CARMIL2: variants seen among roughly 807,000 people sequenced by gnomAD.
CARMIL2 encodes the protein capping protein, Arp2/3 and myosin-I linker protein 2.
In CARMIL2, 96 loss-of-function variants were observed where a neutral mutation model predicts 173.3. The observed-to-expected ratio is 0.55, with a 90% CI of 0.47 to 0.66. The LOEUF is 0.66. Ranked by LOEUF, CARMIL2 falls within the 30% of genes least tolerant of loss-of-function variation. The pLI is 0.00. For synonymous variants in CARMIL2, 830 were observed against 817.1 expected (o/e 1.02, Z -0.27); for missense variants, 1,771 against 1,906.7 (o/e 0.93, Z 1.33).
chr16:67,654,080 C>CG (rs548114769), intron 29 of CARMIL2, 69 bp from the exon 30 acceptor site: 8,078 of 558,638 alleles, frequency 0.014, 5 homozygotes, highest in African/African-American at 0.02. Flanking sequence ...GGCTGCCGGC[C>CG]GGGGGGGGGG....
rs1458849898 is a variant in CARMIL2, at chr16:67,651,785, C to T, written c.2528C>T (p.Ser843Leu). ...CAGCTAGAGGGGGTCCTGGCAGGCT[C>T]GAGGGGCCTCCCGGAGCTGCTCCCA... ...REQLEGVLAG[S>L]RGLPELLPEQ... Residue 843 changes from serine (S) to leucine (L), a missense_variant, in exon 25 of 38, where the codon TCG (serine) becomes TTG (leucine). Transcript: ENST00000334583. The surrounding 1 kb of genome is among the most constrained non-coding windows in gnomAD (Gnocchi z 4.2). 3.1e-6 allele frequency: 5 copies of T among 1,608,072 alleles called. No homozygotes were observed. The highest frequency in any genetic ancestry group is 2.7e-5 in the African/African-American group (2 of 74,836).
At position 67,648,999 on chromosome 16, in the gene CARMIL2, T is replaced by A; in HGVS notation, c.1591+25T>A. ...GGTGAGGCTGCAGGAGAGCCCATCCTCGCATCATCCACTCGATTCCCAATC... is the reference window on the plus strand; with the variant it reads ...GGTGAGGCTGCAGGAGAGCCCATCCACGCATCATCCACTCGATTCCCAATC... On this transcript the variant is annotated intron_variant, in intron 17 of 37. Transcript: ENST00000334583. This position sits in a 1 kb window ranked among gnomAD's most constrained non-coding sequence, Gnocchi z 6.1. The A allele has an allele frequency of 1.2e-6, 2 of 1,604,058 alleles. No homozygotes were observed. The highest frequency in any genetic ancestry group is 8.5e-7 in the Non-Finnish European group (1 of 1,175,808).
Position 67,657,438 on chromosome 16 carries a change from C to T in CARMIL2, c.4228C>T (p.Gln1410Ter), listed in dbSNP as rs748955499. The change falls in exon 38 of 38, where the codon CAG becomes TAG. Residue 1410 changes from glutamine (Q) to a stop codon, truncating the protein, a stop_gained. Transcript: ENST00000334583. LOFTEE classifies it high-confidence loss of function. This position sits in a 1 kb window ranked among gnomAD's most constrained non-coding sequence, Gnocchi z 4.5. ...CCTTGGAACCGAGCCTCTGCCCCCA[C>T]AGCCCACAGAGCCCTCCAGCCCTGA... ...SGLGTEPLPP[Q>*]PTEPSSPERS... 5 of 1,610,150 alleles carry T rather than the reference C, an allele frequency of 3.1e-6. No homozygotes were observed. Among genetic ancestry groups the T allele is most frequent in the East Asian group, 2.2e-5 (1 of 44,702 alleles).
In CARMIL2 at chr16:67,646,466, C is replaced by G. The variant is rs778815940; in HGVS notation, c.415C>G (p.Arg139Gly). The G allele has an allele frequency of 1.9e-6, 3 of 1,613,600 alleles. No individual in the cohort carries two copies. The highest frequency in any genetic ancestry group is 2.5e-6 in the Non-Finnish European group (3 of 1,179,864). Residue 139 changes from arginine (R) to glycine (G), a missense_variant, in exon 6 of 38, where the codon CGG becomes GGG. Arg to Gly is a moderately radical substitution (Grantham distance 125). Coordinates refer to ENST00000334583, the MANE Select transcript of CARMIL2 (RefSeq NM_001013838.3). The surrounding 1 kb of genome is among the most constrained non-coding windows in gnomAD (Gnocchi z 4.6). ...RRPTPASMLA[R>G]LERSSPSEST... ...GCCCACACCAGCCTCCATGCTGGCT[C>G]GGCTGGAGAGAAGCAGCCCCTCGGA... is the stretch of plus-strand genomic sequence containing the variant.
Position 67,648,400 on chromosome 16 carries a change from A to C in CARMIL2, c.1337A>C (p.Lys446Thr). 2 of 1,530,868 alleles carry C rather than the reference A, an allele frequency of 1.3e-6. No homozygotes were observed. The allele number at this position is 1,530,868 out of a possible 1,614,324, so 94.8% of individuals were successfully genotyped here. The change falls in exon 15 of 38, where the codon AAG becomes ACG. Residue 446 changes from lysine to threonine, a missense_variant and splice_region_variant. Coordinates refer to ENST00000334583, the MANE Select transcript of CARMIL2 (RefSeq NM_001013838.3). The surrounding 1 kb of genome is among the most constrained non-coding windows in gnomAD (Gnocchi z 6.1). ...DASRNVFSRT[K>T]SRAAPAALQL... is the part of the protein sequence containing the mutation. The stretch of plus-strand genomic sequence containing the variant: ...GCCCACCTTCCCACTTCCCCCAGGA[A>C]GTCCCGCGCCGCGCCGGCCGCGCTG...
rs564619550 is a variant in CARMIL2, at chr16:67,654,802, A to G, written c.3607A>G (p.Thr1203Ala). Residue 1203 changes from threonine to alanine, a missense_variant, in exon 32 of 38, where the codon ACA becomes GCA. Thr to Ala is a moderately conservative substitution (Grantham distance 58, BLOSUM62 0). Around this residue, in one of 3 missense-constraint regions of CARMIL2, gnomAD observed 817 missense variants for 903.5 expected, o/e 0.90. Transcript: ENST00000334583. ...DKRRPLERGE[T>A]ELAPSFEQRV... ...GCGGCGGCCCCTGGAGCGGGGAGAA[A>G]CAGAACTGGCTCCATCCTTTGAACA... 3 of 1,613,522 alleles carry G rather than the reference A, an allele frequency of 1.9e-6. No homozygotes were observed. The highest frequency in any genetic ancestry group is 2.2e-5 in the East Asian group (1 of 44,888).
In CARMIL2 at chr16:67,649,794, G is replaced by C. The variant is rs1388547412; in HGVS notation, c.1920-12G>C. 6.2e-7 allele frequency: 1 copy of C among 1,607,368 alleles called. No homozygotes were observed. Among genetic ancestry groups the C allele is most frequent in the African/African-American group, 1.3e-5 (1 of 74,824 alleles). ...GAAGCTCCGTCCCCGACTGAAGCCA[G>C]GCCCGGCCCAGGTCTGTGGTCTGGG... is the stretch of plus-strand genomic sequence containing the variant. On this transcript the variant is annotated splice_polypyrimidine_tract_variant and intron_variant, in intron 20 of 37. Transcript: ENST00000334583. This position sits in a 1 kb window ranked among gnomAD's most constrained non-coding sequence, Gnocchi z 6.7.
Position 67,649,565 on chromosome 16 carries a change from G to A in CARMIL2, c.1865G>A (p.Gly622Glu). The A allele has an allele frequency of 6.2e-7, 1 of 1,602,420 alleles. No individual in the cohort carries two copies. Among genetic ancestry groups the A allele is most frequent in the Non-Finnish European group, 8.5e-7 (1 of 1,179,628 alleles). The change falls in exon 20 of 38, where the codon GGG becomes GAG. Residue 622 changes from glycine to glutamate, a missense_variant. Gly to Glu is a moderately conservative substitution (Grantham distance 98, BLOSUM62 -2). Around this residue, in one of 3 missense-constraint regions of CARMIL2, gnomAD observed 944 missense variants for 975.6 expected, o/e 0.97. Coordinates refer to ENST00000334583, the MANE Select transcript of CARMIL2 (RefSeq NM_001013838.3). The surrounding 1 kb of genome is among the most constrained non-coding windows in gnomAD (Gnocchi z 6.7). ...CTGGATATCAGCGGCAACGCCATGG[G>A]GGACGCGGGCGCCAAGTTGCTGGCC... is the stretch of plus-strand genomic sequence containing the variant. Reference protein sequence around the residue: ...TALDISGNAMGDAGAKLLAKA... With the variant: ...TALDISGNAMEDAGAKLLAKA...
chr16:67,649,022 A>G lies in CARMIL2; in HGVS notation c.1591+48A>G, dbSNP rs537471708. ...CCTCGCATCATCCACTCGATTCCCA[A>G]TCCCCACCCTACCCTTGCAACTTCG... On this transcript the variant is annotated intron_variant, in intron 17 of 37. Transcript: ENST00000334583. The surrounding 1 kb of genome is among the most constrained non-coding windows in gnomAD (Gnocchi z 6.7). 1.5e-5 allele frequency: 24 copies of G among 1,602,558 alleles called. No individual in the cohort carries two copies. In the East Asian group the frequency reaches 4.7e-4, roughly 32 times the overall value.
rs1567632829 is a variant in CARMIL2 at position 67,651,790 on chromosome 16, GGCCTCCCGGAGCT to G, written c.2536_2548del (p.Leu846SerfsTer36). 1 of 1,609,754 alleles carries G rather than the reference GGCCTCCCGGAGCT, an allele frequency of 6.2e-7. No individual in the cohort carries two copies. The highest frequency in any genetic ancestry group is 1.7e-4 in the Middle Eastern group (1 of 6,004). ...AGAGGGGGTCCTGGCAGGCTCGAGG[GGCCTCCCGGAGCT>G]GCTCCCAGAGCAGCTGCTGCAAGAT... On this transcript the variant is annotated frameshift_variant, in exon 25 of 38. Transcript: ENST00000334583. LOFTEE classifies it high-confidence loss of function. This position sits in a 1 kb window ranked among gnomAD's most constrained non-coding sequence, Gnocchi z 4.2.
In CARMIL2 at chr16:67,647,378, G is replaced by A. The variant is rs1597745086; in HGVS notation, c.767G>A (p.Ser256Asn). Reference protein sequence around the residue: ...HLEELVLETCSLRGDFVRRLA... With the variant: ...HLEELVLETCNLRGDFVRRLA... The stretch of plus-strand genomic sequence containing the variant: ...GAGGAGCTGGTGCTGGAGACCTGCA[G>A]CCTGAGGGGGTGAGGGGGACAGGGC... The change falls in exon 10 of 38, where the codon AGC becomes AAC. Residue 256 changes from serine to asparagine, a missense_variant. Physicochemically the swap from Ser to Asn is conservative, Grantham distance 46. This residue lies in a region of CARMIL2 where 944 missense variants were observed against 975.6 expected (regional missense o/e 0.97). Coordinates refer to ENST00000334583, the MANE Select transcript of CARMIL2 (RefSeq NM_001013838.3). 1.3e-6 allele frequency: 2 copies of A among 1,577,344 alleles called. No homozygotes were observed. Among genetic ancestry groups the A allele is most frequent in the African/African-American group, 1.3e-5 (1 of 74,298 alleles).
rs1435701239 is a variant in CARMIL2 at position 67,648,523 on chromosome 16, A to G, written c.1439+21A>G. On this transcript the variant is annotated intron_variant, in intron 15 of 37. Coordinates refer to ENST00000334583, the MANE Select transcript of CARMIL2 (RefSeq NM_001013838.3). The surrounding 1 kb of genome is among the most constrained non-coding windows in gnomAD (Gnocchi z 6.1). ...CTCAGGTCAGTGTCGGACCCCGGCC[A>G]CGCCCCCGCGGGCGCTCCCACCCTG... is the stretch of plus-strand genomic sequence containing the variant. 2 of 1,458,578 alleles carry G rather than the reference A, an allele frequency of 1.4e-6. No homozygotes were observed. Among genetic ancestry groups the G allele is most frequent in the East Asian group, 2.5e-5 (1 of 39,932 alleles). The allele number at this position is 1,458,578 out of a possible 1,614,324, so 90.4% of individuals were successfully genotyped here.
rs370337082 is a variant in CARMIL2 at position 67,647,952 on chromosome 16, C to T, written c.1065C>T (p.Asp355=). 1.1e-5 allele frequency: 18 copies of T among 1,607,476 alleles called. No homozygotes were observed. The highest frequency in any genetic ancestry group is 1.4e-5 in the Non-Finnish European group (17 of 1,176,718). The change falls in exon 13 of 38, where the codon GAC becomes GAT. Residue 355 remains aspartate, a synonymous_variant. Coordinates refer to ENST00000334583, the MANE Select transcript of CARMIL2 (RefSeq NM_001013838.3). ...GNPGALGASE[D]SGGLYSFLSR... Reference sequence around the variant, plus strand: ...CTGGGGCGCTGGGGGCCTCCGAGGACAGTGGGGTGAGTGGCTGTCTTCAGG... The same window carrying T: ...CTGGGGCGCTGGGGGCCTCCGAGGATAGTGGGGTGAGTGGCTGTCTTCAGG...
rs373093423 is a variant in CARMIL2 at position 67,647,346 on chromosome 16, A to C, written c.735A>C (p.Ser245=). 3 of 1,588,634 alleles carry C rather than the reference A, an allele frequency of 1.9e-6. No individual in the cohort carries two copies. Among genetic ancestry groups the C allele is most frequent in the South Asian group, 1.1e-5 (1 of 87,976 alleles). ...EQILHMMSQS[S]HLEELVLETC... is the part of the protein sequence containing the mutation. The stretch of plus-strand genomic sequence containing the variant: ...TTCTGCACATGATGAGTCAGTCATC[A>C]CACCTGGAGGAGCTGGTGCTGGAGA... The change falls in exon 10 of 38, where the codon TCA becomes TCC. Residue 245 remains serine, a synonymous_variant. Coordinates refer to ENST00000334583, the MANE Select transcript of CARMIL2 (RefSeq NM_001013838.3).
rs761298930 is a variant in CARMIL2, at chr16:67,648,394, C to T, written c.1335-4C>T. 2.6e-6 allele frequency: 4 copies of T among 1,533,228 alleles called. No homozygotes were observed. Among genetic ancestry groups the T allele is most frequent in the South Asian group, 1.2e-5 (1 of 84,150 alleles). 95.0% of individuals were successfully genotyped at this position (1,533,228 alleles called of 1,614,324 possible). A position where few individuals can be genotyped will look rare whatever the true frequency, so the allele number is the denominator to read the frequency against. On this transcript the variant is annotated splice_polypyrimidine_tract_variant and splice_region_variant and intron_variant, in intron 14 of 37. Coordinates refer to ENST00000334583, the MANE Select transcript of CARMIL2 (RefSeq NM_001013838.3). This position sits in a 1 kb window ranked among gnomAD's most constrained non-coding sequence, Gnocchi z 6.1. Reference sequence around the variant, plus strand: ...CCCCAGGCCCACCTTCCCACTTCCCCCAGGAAGTCCCGCGCCGCGCCGGCC... The same window carrying T: ...CCCCAGGCCCACCTTCCCACTTCCCTCAGGAAGTCCCGCGCCGCGCCGGCC...
intron 3 of CARMIL2, 22 bp downstream of exon 3, chr16:67,645,799 C>A: frequency 6.2e-7 from 1 of 1,609,834 alleles, no homozygotes; most frequent in South Asian, 1.1e-5. Context: ...GGCCTGGCCA[C>A]ACCCCCGCCC....
Position 67,648,850 on chromosome 16 carries a change from C to G in CARMIL2, c.1510-43C>G. 6.3e-7 allele frequency: 1 copy of G among 1,580,228 alleles called. No homozygotes were observed. The highest frequency in any genetic ancestry group is 1.7e-4 in the Middle Eastern group (1 of 6,022). ...GCCGCCTGCCCCTCCCCACTCGCGG[C>G]CTAAGTGGGTCCCACTTCCCACCTC... On this transcript the variant is annotated intron_variant, in intron 16 of 37. Transcript: ENST00000334583. The surrounding 1 kb of genome is among the most constrained non-coding windows in gnomAD (Gnocchi z 6.1).
rs752878475 is a variant in CARMIL2 at position 67,657,393 on chromosome 16, C to T, written c.4196-13C>T. 9 of 1,604,910 alleles carry T rather than the reference C, an allele frequency of 5.6e-6. No individual in the cohort carries two copies. The highest frequency in any genetic ancestry group is 7.7e-6 in the Non-Finnish European group (9 of 1,175,738). On this transcript the variant is annotated splice_polypyrimidine_tract_variant and intron_variant, in intron 37 of 37. Coordinates refer to ENST00000334583, the MANE Select transcript of CARMIL2 (RefSeq NM_001013838.3). The surrounding 1 kb of genome is among the most constrained non-coding windows in gnomAD (Gnocchi z 4.5). ...CCCTGACCCTTCCTCTCTCTCCCTC[C>T]CTCCCCTCACAGGATCTGGCCTTGG...
At position 67,648,163 on chromosome 16, in the gene CARMIL2, G is replaced by A. The variant is rs770150463; in HGVS notation, c.1183G>A (p.Gly395Ser). The change falls in exon 14 of 38, where the codon GGC (glycine) becomes AGC (serine). Residue 395 changes from glycine (G) to serine (S), a missense_variant. Gly to Ser is a moderately conservative substitution (Grantham distance 56). This residue lies in a region of CARMIL2 where 944 missense variants were observed against 975.6 expected (regional missense o/e 0.97). Coordinates refer to ENST00000334583, the MANE Select transcript of CARMIL2 (RefSeq NM_001013838.3). This position sits in a 1 kb window ranked among gnomAD's most constrained non-coding sequence, Gnocchi z 6.1. ...RGCSVGGWMT[G>S]RADWRAGRGG... ...GTGCTCCGTGGGGGGATGGATGACC[G>A]GCAGGGCGGACTGGAGGGCGGGACG... 31 of 1,611,684 alleles carry A rather than the reference G, an allele frequency of 1.9e-5. No individual in the cohort carries two copies. The highest frequency in any genetic ancestry group is 2.5e-5 in the Non-Finnish European group (30 of 1,179,120).
Sources: gnomAD v4.1 joint callset for allele counts on GRCh38, gnomAD v4.1.1 for gene constraint, gnomAD v4.1.1 regional missense constraint, Gnocchi (gnomAD v3.1) non-coding constraint, MANE v1.5 for transcripts, NCBI Gene and HGNC (gene_info 2026-07-23, HGNC 2026-07-21) for gene names.